Variants in GKAP1 observed in about 807,000 individuals in gnomAD.
GKAP1 encodes G kinase anchoring protein 1, also known as G kinase-anchoring protein 1.
A neutral mutation model predicts 56.7 loss-of-function variants in GKAP1; 31 were observed. The ratio of observed to expected loss-of-function variants is 0.55; its 90% CI spans 0.41 to 0.74. The LOEUF is 0.74. Among genes scored for constraint, GKAP1 ranks in the 30% least tolerant of loss-of-function variants. The probability of loss-of-function intolerance (pLI) is 0.00; values close to 1 mark genes in which losing one functional copy is unlikely to be tolerated. For missense variants in GKAP1, 364 were observed against 402.3 expected (o/e 0.90, Z 0.82); for synonymous variants, 151 against 138.6 (o/e 1.09, Z -0.63).
chr9:83,787,719 A>C (rs899935472), intron 5 of GKAP1, among the ~76,000 whole-genome samples: 1 of 152,204 alleles, frequency 6.6e-6, no homozygotes, highest in African/African-American at 2.4e-5. Flanking sequence ...TACTCACACA[A>C]TTTAAATACG....
chr9:83,801,602 T>C (rs762083870), intron 3 of GKAP1, among the ~76,000 whole-genome samples: 4 of 152,200 alleles, frequency 2.6e-5, no homozygotes, highest in African/African-American at 4.8e-5. Flanking sequence ...GAGATGCTGC[T>C]GGAAATGAAG....
At chr9:83,748,254 CT>C in intron 10 of GKAP1, 54 bp downstream of exon 10, 2 of 1,192,928 alleles carry the variant, frequency 1.7e-6, no homozygotes, top group Non-Finnish European at 1.2e-6. Context: ...GAAAAAGTAC[CT>C]TCAGATATTA....
At position 83,763,278 on chromosome 9, in the gene GKAP1, G is replaced by A. The variant is rs112003168; in HGVS notation, c.738+5540C>T. 6.6e-5 allele frequency among the ~76,000 whole-genome samples: 10 copies of A among 152,284 alleles called. 1 individual carries two copies. Among genetic ancestry groups the A allele is most frequent in the African/African-American group, 2.4e-4 (10 of 41,562 alleles). On this transcript the variant is annotated intron_variant, in intron 8 of 12. Transcript: ENST00000376371. ...TTACAAAGTAGAAGGATGGTTACTA[G>A]AGGCTGGGAAACGCAGTGAGGGAGT...
At chr9:83,817,246 GC>G (rs1376981200) in intron 1 of GKAP1, 119 bp from the exon 2 acceptor site, 3 of 151,848 alleles carry the variant, frequency 2.0e-5, no homozygotes, top group African/African-American at 7.2e-5. Context: ...CACTCGAGCG[GC>G]CCCCACGGGG....
Position 83,768,813 on chromosome 9 carries a change from C to T in GKAP1, c.738+5G>A, listed in dbSNP as rs904310261. The T allele has an allele frequency of 1.2e-6, 2 of 1,605,524 alleles. No homozygotes were observed. Among genetic ancestry groups the T allele is most frequent in the African/African-American group, 2.7e-5 (2 of 74,538 alleles). On this transcript the variant is annotated splice_donor_5th_base_variant and intron_variant, in intron 8 of 12. Transcript: ENST00000376371. The stretch of plus-strand genomic sequence containing the variant: ...GATTTTAAGAGAATTTTCTACTTTA[C>T]ATGCCTGGTTGTGTTCATGAGCTGT...
At position 83,786,612 on chromosome 9, in the gene GKAP1, A is replaced by G. The variant is rs983737663; in HGVS notation, c.439-1774T>C. ...CCATCCCAAACTTTAGTTATCTGTT[A>G]TAAAAATCCTTAGGCTAAAACAATT... is the stretch of plus-strand genomic sequence containing the variant. On this transcript the variant is annotated intron_variant, in intron 5 of 12. Coordinates refer to ENST00000376371, the MANE Select transcript of GKAP1 (RefSeq NM_025211.4). Among the ~76,000 whole-genome samples, 4 of 152,342 alleles carry G rather than the reference A, an allele frequency of 2.6e-5. No individual in the cohort carries two copies. In the East Asian group the frequency reaches 7.7e-4, roughly 29 times the overall value.
chr9:83,749,101 A>AAGT (rs1443624805), intron 9 of GKAP1: 1 of 152,196 alleles, frequency 6.6e-6, no homozygotes, highest in Admixed American at 6.5e-5. Context: ...AAAATGATAC[A>AAGT]AGTATACATT....
intron 8 of GKAP1, among the ~76,000 whole-genome samples, chr9:83,768,552 G>A (rs1564196391): frequency 6.6e-6 from 1 of 152,150 alleles, no homozygotes; most frequent in Admixed American, 6.5e-5. Flanking sequence ...CCATCTTCGT[G>A]TTTCCACTCC....
At chr9:83,777,288 G>C (rs1233176491) in intron 7 of GKAP1, among the ~76,000 whole-genome samples, 2 of 152,160 alleles carry the variant, frequency 1.3e-5, no homozygotes, top group Non-Finnish European at 2.9e-5. Context: ...AGAAGGACTG[G>C]AGTTTGGAAG....
intron 2 of GKAP1, among the ~76,000 whole-genome samples, chr9:83,808,084 G>A (rs1240959479): frequency 6.6e-6 from 1 of 152,152 alleles, no homozygotes; most frequent in Admixed American, 6.5e-5. Flanking sequence ...AAGACAAATT[G>A]CTAGAAATAT....
chr9:83,757,790 T>A (rs192957752), intron 8 of GKAP1, among the ~76,000 whole-genome samples: 12 of 150,402 alleles, frequency 8.0e-5, no homozygotes, highest in Admixed American at 7.3e-4. Flanking sequence ...CAAAGATAGA[T>A]CTGAAAAATA....
At chr9:83,770,830 G>A (rs1233692333) in intron 7 of GKAP1, among the ~76,000 whole-genome samples, 3 of 152,160 alleles carry the variant, frequency 2.0e-5, no homozygotes, top group Non-Finnish European at 2.9e-5. Context: ...AAAGTGCTGG[G>A]ATTACAGGTA....
Position 83,788,621 on chromosome 9 carries a change from C to G in GKAP1, c.418G>C (p.Glu140Gln), listed in dbSNP as rs769693227. The change falls in exon 5 of 13, where the codon GAA becomes CAA. Residue 140 changes from glutamate to glutamine, a missense_variant. Glu to Gln is a conservative substitution (Grantham distance 29, BLOSUM62 2). Transcript: ENST00000376371. The stretch of plus-strand genomic sequence containing the variant: ...AATACCTTTTTGTGCTCTTCATATT[C>G]TAGTTTACTTAGTAACAATGCCTTC... ...LEKALLLSKL[E>Q]YEEHKKEYED... is the part of the protein sequence containing the mutation. 2.5e-6 allele frequency: 4 copies of G among 1,593,336 alleles called. No homozygotes were observed. Among genetic ancestry groups the G allele is most frequent in the Non-Finnish European group, 3.4e-6 (4 of 1,166,016 alleles).
At chr9:83,762,946 C>T (rs112858723) in intron 8 of GKAP1, among the ~76,000 whole-genome samples, 3 of 152,042 alleles carry the variant, frequency 2.0e-5, no homozygotes, top group African/African-American at 7.2e-5. Flanking sequence ...GGTATATACC[C>T]GAAAGAAAGG....
Position 83,780,423 on chromosome 9 carries a change from C to T in GKAP1, c.563-19G>A. 4.0e-6 allele frequency: 2 copies of T among 498,574 alleles called. No homozygotes were observed. 30.9% of individuals were successfully genotyped at this position (498,574 alleles called of 1,614,324 possible). A position where few individuals can be genotyped will look rare whatever the true frequency, so the allele number is the denominator to read the frequency against. On this transcript the variant is annotated intron_variant, in intron 6 of 12. Transcript: ENST00000376371. Reference sequence around the variant, plus strand: ...ATGTGATCTGTAAATGAAAAAGAAACAAAGATGAAACTTTATTGAAGGAAT... The same window carrying T: ...ATGTGATCTGTAAATGAAAAAGAAATAAAGATGAAACTTTATTGAAGGAAT...
intron 8 of GKAP1, among the ~76,000 whole-genome samples, chr9:83,767,767 A>C (rs1269542032): frequency 6.6e-6 from 1 of 152,202 alleles, no homozygotes; most frequent in Non-Finnish European, 1.5e-5. Flanking sequence ...GGCTCACTGC[A>C]ACCCCACCTC....
intron 4 of GKAP1, among the ~76,000 whole-genome samples, chr9:83,794,040 T>C (rs1396492881): frequency 6.6e-6 from 1 of 152,124 alleles, no homozygotes; most frequent in African/African-American, 2.4e-5. Flanking sequence ...TGGTGGAGTG[T>C]GCCTGTAGTC....
chr9:83,746,545 A>G (rs1322799987), intron 10 of GKAP1, among the ~76,000 whole-genome samples: 3 of 152,128 alleles, frequency 2.0e-5, no homozygotes, highest in Non-Finnish European at 4.4e-5. Flanking sequence ...TAGTAAAAAT[A>G]CAAAAAAATT....
intron 7 of GKAP1, among the ~76,000 whole-genome samples, chr9:83,769,585 C>T (rs758895306): frequency 6.6e-6 from 1 of 152,160 alleles, no homozygotes; most frequent in Non-Finnish European, 1.5e-5. Flanking sequence ...CTTTTTATTG[C>T]CAAATATCCC....
Sources: allele counts gnomAD v4.1 joint callset (sites outside exome capture counted in the v4.1 genomes callset), GRCh38; gene constraint gnomAD v4.1.1; transcripts MANE v1.5; gene names NCBI Gene and HGNC (gene_info 2026-07-23, HGNC 2026-07-21).